FMO3: variants seen among roughly 807,000 people sequenced by gnomAD.
FMO3 encodes flavin-containing monooxygenase 3.
In FMO3, 40 loss-of-function variants were observed where a neutral mutation model predicts 39.4. That is an observed-to-expected ratio of 1.02 (90% confidence interval 0.79 to 1.32). The LOEUF (loss-of-function observed/expected upper bound fraction) is 1.32, where lower values mean the gene tolerates loss of function less well. FMO3 is among the 40% of genes most tolerant of loss of function. The pLI is 0.00. For missense variants in FMO3, 680 were observed against 651.8 expected (o/e 1.04, Z -0.47); for synonymous variants, 219 against 228.8 (o/e 0.96, Z 0.39).
chr1:171,106,612 G>C (rs1404724886), intron 3 of FMO3, among the ~76,000 whole-genome samples: 1 of 152,024 alleles, frequency 6.6e-6, no homozygotes, highest in Admixed American at 6.6e-5. Flanking sequence ...AGAAATTTAA[G>C]AAACAGTGCA....
In FMO3 at chr1:171,092,722, C is replaced by T; in HGVS notation, c.64C>T (p.Leu22=). 6.2e-7 allele frequency: 1 copy of T among 1,613,950 alleles called. No homozygotes were observed. The highest frequency in any genetic ancestry group is 2.2e-5 in the East Asian group (1 of 44,892). The change falls in exon 2 of 9, where the codon CTG becomes TTG. Residue 22 remains leucine (L), a synonymous_variant. Transcript: ENST00000367755. ...TGGCTTGGCCTCCATCAGGAGCTGT[C>T]TGGAAGAGGGGCTGGAGCCCACCTG... ...VSGLASIRSC[L]EEGLEPTCFE...
At chr1:171,091,496 A>C (rs1654701645) in intron 1 of FMO3, among the ~76,000 whole-genome samples, 1 of 152,174 alleles carries the variant, frequency 6.6e-6, no homozygotes, top group Non-Finnish European at 1.5e-5. Context: ...CAGTGTCAGG[A>C]ACAGAAAAAA....
At chr1:171,094,109 A>G (rs1436393700) in intron 2 of FMO3, among the ~76,000 whole-genome samples, 2 of 152,040 alleles carry the variant, frequency 1.3e-5, no homozygotes, top group African/African-American at 4.8e-5. Flanking sequence ...GATTACCAGC[A>G]TGAGCCACTG....
chr1:171,105,396 C>G (rs2101910427), intron 3 of FMO3, among the ~76,000 whole-genome samples: 1 of 152,200 alleles, frequency 6.6e-6, no homozygotes, highest in East Asian at 1.9e-4. Context: ...ATGAATCCAA[C>G]AGAGTATTAA....
chr1:171,107,814 A>G lies in FMO3; in HGVS notation c.461A>G (p.Asn154Ser). ...TGTTCCGGACATCATGTGTATCCCA[A>G]CCTACCAAAAGAGTCCTTTCCAGGT... Reference protein sequence around the residue: ...MVCSGHHVYPNLPKESFPGLN... With the variant: ...MVCSGHHVYPSLPKESFPGLN... The change falls in exon 4 of 9, where the codon AAC becomes AGC. Residue 154 changes from asparagine (N) to serine (S), a missense_variant. Coordinates refer to ENST00000367755, the MANE Select transcript of FMO3 (RefSeq NM_001002294.3). 1 of 1,613,978 alleles carries G rather than the reference A, an allele frequency of 6.2e-7. No homozygotes were observed. Among genetic ancestry groups the G allele is most frequent in the East Asian group, 2.2e-5 (1 of 44,858 alleles).
intron 5 of FMO3, among the ~76,000 whole-genome samples, chr1:171,109,526 C>CTTTTTTCTTTTTT (rs1655803812): frequency 1.7e-5 from 1 of 58,994 alleles, no homozygotes; most frequent in African/African-American, 7.1e-5. Context: ...TTAGTCTCTT[C>CTTTTTTCTTTTTT]TTTTTTTTTT....
intron 2 of FMO3, among the ~76,000 whole-genome samples, chr1:171,096,275 TTA>T (rs1458703836): frequency 2.8e-4 from 17 of 60,420 alleles, no homozygotes; most frequent in East Asian, 1.3e-3. Flanking sequence ...TATATAAATA[TTA>T]TATATATTAT....
In FMO3 at chr1:171,116,203, A is replaced by G; in HGVS notation, c.1184-5A>G. On this transcript the variant is annotated splice_polypyrimidine_tract_variant and splice_region_variant and intron_variant, in intron 7 of 8. Transcript: ENST00000367755. ...ATTACCATCGTGTCTTTCCTTCTTT[A>G]TCAGGAACTTGTACTTTGCCTTCTA... 3 of 1,587,302 alleles carry G rather than the reference A, an allele frequency of 1.9e-6. No homozygotes were observed. Among genetic ancestry groups the G allele is most frequent in the Non-Finnish European group, 2.6e-6 (3 of 1,156,114 alleles).
chr1:171,092,670 A>T lies in FMO3; in HGVS notation c.12A>T (p.Lys4Asn), dbSNP rs746779526. 1 of 1,614,078 alleles carries T rather than the reference A, an allele frequency of 6.2e-7. No homozygotes were observed. The highest frequency in any genetic ancestry group is 1.3e-5 in the African/African-American group (1 of 74,942). Residue 4 changes from lysine to asparagine, a missense_variant, in exon 2 of 9, where the codon AAA (lysine) becomes AAT (asparagine). Lys to Asn is a moderately conservative substitution (Grantham distance 94, BLOSUM62 0). Transcript: ENST00000367755. MGK[K>N]VAIIGAGVSG... ...TTGCACAGGTTACCATGGGGAAGAA[A>T]GTGGCCATCATTGGAGCTGGTGTGA...
intron 2 of FMO3, among the ~76,000 whole-genome samples, chr1:171,098,992 G>T (rs1425352530): frequency 1.3e-5 from 2 of 151,832 alleles, no homozygotes; most frequent in African/African-American, 4.8e-5. Context: ...GTGATGTTAG[G>T]GTGTCAATTT....
At chr1:171,106,494 C>T (rs1025098306) in intron 3 of FMO3, among the ~76,000 whole-genome samples, 3 of 152,124 alleles carry the variant, frequency 2.0e-5, no homozygotes, top group Non-Finnish European at 4.4e-5. Flanking sequence ...CTGGTCAGTG[C>T]TGTGCTAAAT....
At chr1:171,112,360 AG>A (rs1176039970) in intron 6 of FMO3, among the ~76,000 whole-genome samples, 1 of 152,186 alleles carries the variant, frequency 6.6e-6, no homozygotes, top group African/African-American at 2.4e-5. Flanking sequence ...ATGTAAGGGT[AG>A]GGCAAGGAAG....
intron 2 of FMO3, among the ~76,000 whole-genome samples, chr1:171,097,202 T>G (rs1655141513): frequency 7.0e-6 from 1 of 143,836 alleles, no homozygotes; most frequent in African/African-American, 2.7e-5. Flanking sequence ...GTTGGACATT[T>G]GGGTTGGTTC....
At position 171,117,183 on chromosome 1, in the gene FMO3, T is replaced by C. The variant is rs1471553974; in HGVS notation, c.1340T>C (p.Ile447Thr). The change falls in exon 9 of 9, where the codon ATC (isoleucine) becomes ACC (threonine). Residue 447 changes from isoleucine (I) to threonine (T), a missense_variant. Transcript: ENST00000367755. Reference sequence around the variant, plus strand: ...TCCTTCATTGGGGCAAAGCCCAACATCCCATGGCTGTTTCTCACAGATCCC... The same window carrying C: ...TCCTTCATTGGGGCAAAGCCCAACACCCCATGGCTGTTTCTCACAGATCCC... ...LSSFIGAKPN[I>T]PWLFLTDPKL... is the part of the protein sequence containing the mutation. 1 of 1,613,968 alleles carries C rather than the reference T, an allele frequency of 6.2e-7. No homozygotes were observed. Among genetic ancestry groups the C allele is most frequent in the Non-Finnish European group, 8.5e-7 (1 of 1,179,934 alleles).
At chr1:171,096,042 AT>A (rs1557933062) in intron 2 of FMO3, among the ~76,000 whole-genome samples, 10 of 55,864 alleles carry the variant, frequency 1.8e-4, no homozygotes, top group African/African-American at 9.2e-4. Flanking sequence ...AATATATATT[AT>A]ATATAAATAT....
intron 2 of FMO3, 94 bp from the exon 3 acceptor site, chr1:171,103,691 C>T: frequency 9.6e-7 from 1 of 1,042,126 alleles, no homozygotes; most frequent in South Asian, 1.3e-5. Context: ...TCCATAGATA[C>T]CAAGGGATGA....
Position 171,096,668 on chromosome 1 carries a change from AT to A in FMO3, c.132+3879del, listed in dbSNP as rs1557934544. Among the ~76,000 whole-genome samples the A allele has an allele frequency of 5.0e-4, 63 of 126,604 alleles. 1 individual carries two copies. The highest frequency in any genetic ancestry group is 4.3e-3 in the Middle Eastern group (1 of 232). 83.1% of individuals were successfully genotyped at this position (126,604 alleles called of 152,430 possible). ...ATAATATATTTTATATTTAAAATATATATTTTATATTTAAAATATAATTAAT... is the reference window on the plus strand; with the variant it reads ...ATAATATATTTTATATTTAAAATATAATTTTATATTTAAAATATAATTAAT... On this transcript the variant is annotated intron_variant, in intron 2 of 8. Transcript: ENST00000367755.
chr1:171,113,741 C>A (rs1194031520), intron 6 of FMO3, among the ~76,000 whole-genome samples: 1 of 152,142 alleles, frequency 6.6e-6, no homozygotes, highest in East Asian at 1.9e-4. Context: ...GGGAACTGGG[C>A]ATAAGCCTTT....
intron 2 of FMO3, chr1:171,100,323 AGAGGGTAGAGCCTCAGGCCCT>A (rs940084435): frequency 1.3e-4 from 20 of 152,360 alleles, no homozygotes; most frequent in African/African-American, 4.8e-4. Context: ...AGGATAGCCC[AGAGGGTAGAGCCTCAGGCCCT>A]GAGGGCAGAG....
Sources: allele counts gnomAD v4.1 joint callset (sites outside exome capture counted in the v4.1 genomes callset), GRCh38; gene constraint gnomAD v4.1.1; transcripts MANE v1.5; gene names NCBI Gene and HGNC (gene_info 2026-07-23, HGNC 2026-07-21).